The following LIFR variants were observed in gnomAD, a reference collection of about 807,000 sequenced individuals.
LIFR encodes the protein LIF receptor subunit alpha, also known as leukemia inhibitory factor receptor.
LIFR carries 84 observed loss-of-function variants against 122.2 expected under a neutral mutation model. That is an observed-to-expected ratio of 0.69 (90% CI 0.58 to 0.82). LIFR has a LOEUF of 0.82. Ranked by LOEUF, LIFR falls within the 40% of genes least tolerant of loss-of-function variation. LIFR has a pLI of 0.00. For synonymous variants in LIFR, 422 were observed against 434.7 expected, an observed-to-expected ratio of 0.97 and a Z score of 0.36; for missense variants, 1,294 against 1,311.6, an observed-to-expected ratio of 0.99 and a Z score of 0.21.
chr5:38,543,300 A>G (rs1054713782), intron 1 of LIFR, among the ~76,000 whole-genome samples: 9 of 152,246 alleles, frequency 5.9e-5, no homozygotes, highest in African/African-American at 1.9e-4. Context: ...TCAACCCTCC[A>G]AAGAGGTTTG....
In LIFR at chr5:38,499,561, A is replaced by C; in HGVS notation, c.1623T>G (p.Thr541=). 1 of 1,608,358 alleles carries C rather than the reference A, an allele frequency of 6.2e-7. No homozygotes were observed. Among genetic ancestry groups the C allele is most frequent in the Non-Finnish European group, 8.5e-7 (1 of 1,174,778 alleles). ...TEASPSKGPD[T]WREWSSDGKN... ...TTCCATCAGAACTCCACTCTCTCCA[A>C]GTATCAGGCCCCTTTGAAGGACCTA... is the stretch of plus-strand genomic sequence containing the variant. Residue 541 remains threonine, a synonymous_variant, in exon 12 of 20, where the codon ACT becomes ACG. Transcript: ENST00000453190.
At position 38,476,006 on chromosome 5, in the gene LIFR, A is replaced by C. The variant is rs1579981326; in HGVS notation, c.*5589T>G. The C allele has an allele frequency of 1.5e-5, 3 of 199,068 alleles. No individual in the cohort carries two copies. Among genetic ancestry groups the C allele is most frequent in the South Asian group, 1.9e-4 (1 of 5,220 alleles). The allele number at this position is 199,068 out of a possible 1,614,324, so 12.3% of individuals were successfully genotyped here. On this transcript the variant is annotated 3_prime_UTR_variant, in exon 20 of 20. Coordinates refer to ENST00000453190, the MANE Select transcript of LIFR (RefSeq NM_001127671.2). Reference sequence around the variant, plus strand: ...CCAGGAAGGGCATCAATCACATAACACCTACCCCTCCACAACAATGAAAGG... The same window carrying C: ...CCAGGAAGGGCATCAATCACATAACCCCTACCCCTCCACAACAATGAAAGG...
chr5:38,587,351 G>A (rs1749783542), intron 1 of LIFR, among the ~76,000 whole-genome samples: 1 of 152,102 alleles, frequency 6.6e-6, no homozygotes, highest in East Asian at 1.9e-4. Flanking sequence ...GACATTAAAA[G>A]TTATTCCGGC....
At chr5:38,583,373 A>G (rs16904000) in intron 1 of LIFR, among the ~76,000 whole-genome samples, 48,086 of 152,016 alleles carry the variant, frequency 0.32, 7,997 homozygotes, top group South Asian at 0.41. Context: ...AAACGAACCA[A>G]TTCTCATGAG....
Position 38,581,679 on chromosome 5 carries a change from A to C in LIFR, c.-20+13582T>G, listed in dbSNP as rs140018672. ...TGGTTTTCTCACATGTCAGAGGGAG[A>C]AGAGTAATACTGGAATGTCACGATG... On this transcript the variant is annotated intron_variant, in intron 1 of 19. Transcript: ENST00000263409. Among the ~76,000 whole-genome samples the C allele has an allele frequency of 8.5e-5, 13 of 152,294 alleles. No individual in the cohort carries two copies. In the East Asian group the frequency reaches 2.5e-3, roughly 29 times the overall value.
intron 1 of LIFR, among the ~76,000 whole-genome samples, chr5:38,538,680 A>G (rs961768277): frequency 5.9e-5 from 9 of 152,026 alleles, no homozygotes; most frequent in Admixed American, 5.2e-4. Context: ...CCTCCAGTCC[A>G]TTTCTACTGC....
At chr5:38,553,662 ATATATATATATT>A (rs1347368366) in intron 1 of LIFR, among the ~76,000 whole-genome samples, 24 of 106,304 alleles carry the variant, frequency 2.3e-4, no homozygotes, top group African/African-American at 8.6e-4. Context: ...ATATATATAT[ATATATATATATT>A]ATATGTATGT....
At chr5:38,576,829 G>A (rs373703174) in intron 1 of LIFR, among the ~76,000 whole-genome samples, 35 of 152,264 alleles carry the variant, frequency 2.3e-4, no homozygotes, top group African/African-American at 8.2e-4. Flanking sequence ...GGAGGGATTC[G>A]GGGCAATATT....
intron 1 of LIFR, among the ~76,000 whole-genome samples, chr5:38,544,027 C>A (rs927235085): frequency 4.6e-5 from 7 of 152,138 alleles, no homozygotes; most frequent in South Asian, 2.1e-4. Flanking sequence ...TTGAGTCATT[C>A]CTTTCCTTCC....
At chr5:38,500,279 T>A (rs1175742446) in intron 11 of LIFR, among the ~76,000 whole-genome samples, 1 of 152,236 alleles carries the variant, frequency 6.6e-6, no homozygotes, top group Non-Finnish European at 1.5e-5. Flanking sequence ...TGCTGCTATA[T>A]CACTGCTAAC....
intron 1 of LIFR, among the ~76,000 whole-genome samples, chr5:38,593,977 G>C (rs1006038392): frequency 2.6e-5 from 4 of 151,992 alleles, no homozygotes; most frequent in African/African-American, 9.7e-5. Context: ...AGCCTAAACA[G>C]AAAAAAATAG....
At chr5:38,534,643 T>C (rs1374582346) in intron 1 of LIFR, among the ~76,000 whole-genome samples, 2 of 152,176 alleles carry the variant, frequency 1.3e-5, no homozygotes, top group Non-Finnish European at 2.9e-5. Context: ...TCAAAATATC[T>C]GTATCAAAGA....
chr5:38,544,159 C>T (rs1747744133), intron 1 of LIFR, among the ~76,000 whole-genome samples: 1 of 152,088 alleles, frequency 6.6e-6, no homozygotes, highest in African/African-American at 2.4e-5. Context: ...ACCTCTTTTG[C>T]CTGAACTGCT....
chr5:38,530,519 A>G lies in LIFR; in HGVS notation c.129T>C (p.Asn43=). ...FILLYLMNQV[N]SQKKGAPHDL... is the part of the protein sequence containing the mutation. ...TGATGCACTTACCCTTTTTCTGGCT[A>G]TTTACTTGATTCATTAGATATAGAA... is the stretch of plus-strand genomic sequence containing the variant. Residue 43 remains asparagine, a synonymous_variant, in exon 2 of 20, where the codon AAT becomes AAC. Coordinates refer to ENST00000453190, the MANE Select transcript of LIFR (RefSeq NM_001127671.2). 6.2e-7 allele frequency: 1 copy of G among 1,612,492 alleles called. No homozygotes were observed. Among genetic ancestry groups the G allele is most frequent in the East Asian group, 2.2e-5 (1 of 44,848 alleles).
chr5:38,526,127 A>G (rs1159467998), intron 4 of LIFR, among the ~76,000 whole-genome samples: 1 of 152,218 alleles, frequency 6.6e-6, no homozygotes, highest in Non-Finnish European at 1.5e-5. Context: ...TCTTTGTGCT[A>G]AACAGACATG....
At chr5:38,489,661 G>T (rs968341924) in intron 15 of LIFR, among the ~76,000 whole-genome samples, 13 of 152,044 alleles carry the variant, frequency 8.6e-5, no homozygotes, top group Non-Finnish European at 1.9e-4. Flanking sequence ...TCCTGAGGAC[G>T]AGTAAAATTG....
intron 1 of LIFR, among the ~76,000 whole-genome samples, chr5:38,555,990 T>G (rs942468693): frequency 7.2e-5 from 11 of 151,860 alleles, no homozygotes; most frequent in East Asian, 1.9e-4. Flanking sequence ...TAAAGGGGAG[T>G]TGAAGCAGAG....
intron 1 of LIFR, among the ~76,000 whole-genome samples, chr5:38,546,597 C>CT (rs1013644837): frequency 1.3e-5 from 2 of 152,200 alleles, no homozygotes; most frequent in African/African-American, 2.4e-5. Context: ...TAGTTCTCAC[C>CT]TTTCCTTACT....
In LIFR at chr5:38,511,874, C is replaced by A. The variant is rs561180110; in HGVS notation, c.652G>T (p.Val218Leu). 1.2e-6 allele frequency: 2 copies of A among 1,613,980 alleles called. No homozygotes were observed. Among genetic ancestry groups the A allele is most frequent in the Non-Finnish European group, 1.7e-6 (2 of 1,179,994 alleles). ...TTGTCAATGTAGCATCTAATTTCCA[C>A]AAAATGAATGGCACATTCCAAGGGC... ...DMPLECAIHFVEIRCYIDNLH... is the reference protein window; with the variant it reads ...DMPLECAIHFLEIRCYIDNLH... Residue 218 changes from valine (V) to leucine (L), a missense_variant, in exon 6 of 20, where the codon GTG (valine) becomes TTG (leucine). By Grantham distance (32) the Val-to-Leu change is conservative (BLOSUM62 1). Transcript: ENST00000453190.
Sources: gnomAD v4.1 joint callset for allele counts (sites outside exome capture counted in the v4.1 genomes callset) on GRCh38, gnomAD v4.1.1 for gene constraint, MANE v1.5 for transcripts, NCBI Gene and HGNC (gene_info 2026-07-23, HGNC 2026-07-21) for gene names.